The following MEGF6 variants were observed in gnomAD, a reference collection of about 807,000 sequenced individuals.
MEGF6 encodes the protein multiple epidermal growth factor-like domains protein 6.
Under a neutral mutation model 207.1 loss-of-function variants are expected in MEGF6, and 184 were observed. That is an observed-to-expected ratio of 0.89 (90% CI 0.79 to 1.00). The LOEUF is 1.00. Ranked by LOEUF, MEGF6 falls within the 50% of genes least tolerant of loss-of-function variation. The probability of loss-of-function intolerance (pLI) is 0.00; values close to 1 mark genes in which losing one functional copy is unlikely to be tolerated. For synonymous variants in MEGF6, 1,038 were observed against 910.0 expected, an observed-to-expected ratio of 1.14 and a Z score of -2.53; for missense variants, 2,282 against 2,202.9, an observed-to-expected ratio of 1.04 and a Z score of -0.72.
intron 4 of MEGF6, among the ~76,000 whole-genome samples, chr1:3,525,682 T>G (rs1641934436): frequency 6.6e-6 from 1 of 152,198 alleles, no homozygotes; most frequent in Admixed American, 6.5e-5. Context: ...ACCCCCGGGA[T>G]GCACCATGAG....
chr1:3,492,692 A>T lies in MEGF6; in HGVS notation c.4463T>A (p.Val1488Asp). 1 of 1,612,598 alleles carries T rather than the reference A, an allele frequency of 6.2e-7. No homozygotes were observed. Reference sequence around the variant, plus strand: ...ATCCACACAGTGACACTGCCCACTGACAGGGTCGCAGTCAGCCCCACCCCC... The same window carrying T: ...ATCCACACAGTGACACTGCCCACTGTCAGGGTCGCAGTCAGCCCCACCCCC... ...DCGGGADCDP[V>D]SGQCHCVDGY... Residue 1488 changes from valine (V) to aspartate (D), a missense_variant, in exon 35 of 37, where the codon GTC becomes GAC. Transcript: ENST00000356575.
chr1:3,499,702 A>C lies in MEGF6; in HGVS notation c.2851T>G (p.Phe951Val). 6.2e-7 allele frequency: 1 copy of C among 1,603,792 alleles called. No individual in the cohort carries two copies. The highest frequency in any genetic ancestry group is 8.5e-7 in the Non-Finnish European group (1 of 1,176,396). ...TFCEHACPAG[F>V]FGLDCRSACN... ...GCACTGCGACAGTCCAATCCAAAGAAGCCGGCCGGGCAGGCTGCAGACAGC... is the reference window on the plus strand; with the variant it reads ...GCACTGCGACAGTCCAATCCAAAGACGCCGGCCGGGCAGGCTGCAGACAGC... Residue 951 changes from phenylalanine to valine, a missense_variant, in exon 23 of 37, where the codon TTC becomes GTC. Phe to Val is a conservative substitution (Grantham distance 50). Coordinates refer to ENST00000356575, the MANE Select transcript of MEGF6 (RefSeq NM_001409.4).
At position 3,493,794 on chromosome 1, in the gene MEGF6, C is replaced by T. The variant is rs778623137; in HGVS notation, c.4364G>A (p.Arg1455His). Residue 1455 changes from arginine (R) to histidine (H), a missense_variant, in exon 34 of 37, where the codon CGC becomes CAC. Coordinates refer to ENST00000356575, the MANE Select transcript of MEGF6 (RefSeq NM_001409.4). ...VTGLCLCPPG[R>H]SGATCNLDCR... is the part of the protein sequence containing the mutation. The stretch of plus-strand genomic sequence containing the variant: ...ACCCAGGTTACAGGTGGCTCCTGAG[C>T]GCCCTGGTGGGCAAAGGCAGAGACC... 42 of 1,611,796 alleles carry T rather than the reference C, an allele frequency of 2.6e-5. No individual in the cohort carries two copies. In the Admixed American group the frequency reaches 3.5e-4, roughly 13 times the overall value.
chr1:3,517,089 C>T (rs1243015411), intron 5 of MEGF6, among the ~76,000 whole-genome samples: 2 of 152,242 alleles, frequency 1.3e-5, no homozygotes, highest in Non-Finnish European at 2.9e-5. Flanking sequence ...GCGCCGGCCC[C>T]GCCTTCCCAG....
intron 4 of MEGF6, among the ~76,000 whole-genome samples, chr1:3,554,334 A>C (rs548764166): frequency 6.6e-6 from 1 of 151,892 alleles, no homozygotes; most frequent in East Asian, 1.9e-4. Flanking sequence ...GAACACTGGA[A>C]AAGCCAGCGG....
intron 1 of MEGF6, among the ~76,000 whole-genome samples, chr1:3,602,910 G>A (rs2101884168): frequency 6.6e-6 from 1 of 152,336 alleles, no homozygotes; most frequent in African/African-American, 2.4e-5. Context: ...GACAGGAACT[G>A]TGGCCTCAAG....
At chr1:3,561,110 C>G (rs907484987) in intron 4 of MEGF6, among the ~76,000 whole-genome samples, 13 of 152,196 alleles carry the variant, frequency 8.5e-5, no homozygotes, top group Non-Finnish European at 1.6e-4. Flanking sequence ...GGAGAGACGG[C>G]CTTTCCAAGG....
intron 2 of MEGF6, among the ~76,000 whole-genome samples, chr1:3,599,683 C>T (rs570622434): frequency 2.0e-5 from 3 of 152,324 alleles, no homozygotes; most frequent in East Asian, 3.9e-4. Context: ...GCAGTCTCGG[C>T]CCGGCTGGCG....
chr1:3,521,724 A>T (rs376414565), intron 5 of MEGF6, among the ~76,000 whole-genome samples: 86 of 152,238 alleles, frequency 5.6e-4, no homozygotes, highest in South Asian at 3.9e-3. Flanking sequence ...CTCCCGGGAG[A>T]CCGAGGAACC....
At chr1:3,510,078 C>T in intron 10 of MEGF6, 86 bp from the exon 11 acceptor site, 2 of 1,487,746 alleles carry the variant, frequency 1.3e-6, no homozygotes, top group Admixed American at 4.9e-5. Flanking sequence ...ACCCACAGGA[C>T]TGAAGCCCTG....
At chr1:3,559,537 A>G (rs1570135922) in intron 4 of MEGF6, among the ~76,000 whole-genome samples, 1 of 151,100 alleles carries the variant, frequency 6.6e-6, no homozygotes. Context: ...AAAAAAAAAA[A>G]AAAAAAAAAA....
chr1:3,613,759 G>A (rs1286317727), upstream of MEGF6, among the ~76,000 whole-genome samples: 5 of 152,172 alleles, frequency 3.3e-5, no homozygotes, highest in South Asian at 2.1e-4. Context: ...ACTCGGCCTC[G>A]TGTATGCATT....
chr1:3,590,444 C>A (rs1246187665), intron 3 of MEGF6, among the ~76,000 whole-genome samples: 1 of 152,242 alleles, frequency 6.6e-6, no homozygotes, highest in Non-Finnish European at 1.5e-5. Flanking sequence ...ACCCGGGCCA[C>A]AGGCTCCGCA....
chr1:3,598,141 G>A (rs1644098189), intron 2 of MEGF6, among the ~76,000 whole-genome samples: 1 of 152,214 alleles, frequency 6.6e-6, no homozygotes, highest in African/African-American at 2.4e-5. Context: ...GGTGACCAGG[G>A]GCCCAGCCAA....
intron 4 of MEGF6, among the ~76,000 whole-genome samples, chr1:3,566,636 C>A (rs1237764690): frequency 2.0e-5 from 3 of 152,166 alleles, no homozygotes; most frequent in Non-Finnish European, 4.4e-5. Context: ...CGGGGCCCTT[C>A]CCCCAACGCA....
At chr1:3,528,659 G>T (rs553772526) in intron 4 of MEGF6, among the ~76,000 whole-genome samples, 1 of 152,136 alleles carries the variant, frequency 6.6e-6, no homozygotes. Context: ...AGATGTGAGC[G>T]TGGAAGCAGA....
At chr1:3,516,659 G>C (rs1374451061) in intron 5 of MEGF6, among the ~76,000 whole-genome samples, 2 of 152,226 alleles carry the variant, frequency 1.3e-5, no homozygotes, top group Non-Finnish European at 2.9e-5. Context: ...CCATGGAGGG[G>C]AGGGCGGTCA....
rs752799713 is a variant in MEGF6 at position 3,498,483 on chromosome 1, G to A, written c.3240C>T (p.Asp1080=). The A allele has an allele frequency of 5.1e-5, 81 of 1,579,450 alleles. No homozygotes were observed. Among genetic ancestry groups the A allele is most frequent in the Admixed American group, 4.9e-4 (28 of 56,674 alleles). ...CGCTGTGCCGGCAGCCAGCTCTGAC[G>A]TCCCGGGGGAGGCACTCTACAGGAG... ...LACEKECLPR[D]VRAGCRHSGG... The change falls in exon 26 of 37, where the codon GAC becomes GAT. Residue 1080 remains aspartate, a synonymous_variant. Transcript: ENST00000356575.
chr1:3,496,058 C>T, intron 29 of MEGF6, 40 bp from the exon 30 acceptor site: 2 of 1,475,698 alleles, frequency 1.4e-6, no homozygotes, highest in Non-Finnish European at 1.8e-6. Flanking sequence ...GGCTTCCCTT[C>T]TCTCCCTGCC....
Sources: allele counts gnomAD v4.1 joint callset (sites outside exome capture counted in the v4.1 genomes callset), GRCh38; gene constraint gnomAD v4.1.1; transcripts MANE v1.5; gene names NCBI Gene and HGNC (gene_info 2026-07-23, HGNC 2026-07-21).